Variants in ASB3 observed in about 807,000 individuals in gnomAD.
The protein encoded by ASB3 is ankyrin repeat and SOCS box protein 3.
Under a neutral mutation model 54.5 loss-of-function variants are expected in ASB3, and 41 were observed. That is an observed-to-expected ratio of 0.75 (90% confidence interval 0.59 to 0.98). The LOEUF is 0.98. Among genes scored for constraint, ASB3 ranks in the 50% least tolerant of loss-of-function variants. The pLI is 0.00. For missense variants in ASB3, 733 were observed against 620.0 expected, an observed-to-expected ratio of 1.18 and a Z score of -1.94; for synonymous variants, 266 against 221.2, an observed-to-expected ratio of 1.20 and a Z score of -1.80.
chr2:53,697,451 T>C (rs1050720907), intron 8 of ASB3, among the ~76,000 whole-genome samples: 1 of 146,772 alleles, frequency 6.8e-6, no homozygotes, highest in Non-Finnish European at 1.5e-5. Flanking sequence ...CTTTACTCTA[T>C]GGACTTGCCC....
At chr2:53,747,273 C>G (rs968228602) in intron 3 of ASB3, among the ~76,000 whole-genome samples, 7 of 152,144 alleles carry the variant, frequency 4.6e-5, no homozygotes, top group African/African-American at 1.7e-4. Flanking sequence ...CAGCTGGGCA[C>G]AGTGGCTCAT....
chr2:53,702,230 A>C (rs1430714564), intron 7 of ASB3, among the ~76,000 whole-genome samples: 1 of 152,210 alleles, frequency 6.6e-6, no homozygotes, highest in Non-Finnish European at 1.5e-5. Flanking sequence ...TCCCAAAAAA[A>C]CTACCATTTG....
At chr2:53,781,659 C>T (rs1018944429) in intron 1 of ASB3, among the ~76,000 whole-genome samples, 1 of 152,168 alleles carries the variant, frequency 6.6e-6, no homozygotes, top group African/African-American at 2.4e-5. Flanking sequence ...CCACGCCTGT[C>T]TAATTTTCTA....
At chr2:53,741,044 TCTC>T (rs983006612) in intron 3 of ASB3, among the ~76,000 whole-genome samples, 3 of 152,170 alleles carry the variant, frequency 2.0e-5, no homozygotes, top group Non-Finnish European at 4.4e-5. Context: ...ACAGCAGTAT[TCTC>T]CTTACTAGAT....
chr2:53,700,885 C>T (rs113828133), intron 7 of ASB3, among the ~76,000 whole-genome samples: 1 of 152,144 alleles, frequency 6.6e-6, no homozygotes, highest in African/African-American at 2.4e-5. Flanking sequence ...CAATAAACAA[C>T]GTGATCAATC....
chr2:53,762,505 C>T (rs762263558), intron 2 of ASB3, among the ~76,000 whole-genome samples: 6 of 152,114 alleles, frequency 3.9e-5, no homozygotes, highest in African/African-American at 7.2e-5. Context: ...AGTATTAGTG[C>T]GTATTTTCTT....
chr2:53,752,581 C>T (rs376737301), intron 2 of ASB3, among the ~76,000 whole-genome samples: 1 of 152,218 alleles, frequency 6.6e-6, no homozygotes, highest in Non-Finnish European at 1.5e-5. Context: ...TGTTAAGGCA[C>T]GGAATTTTTC....
intron 2 of ASB3, among the ~76,000 whole-genome samples, chr2:53,753,638 C>T (rs1014767913): frequency 2.7e-5 from 4 of 150,074 alleles, no homozygotes; most frequent in Non-Finnish European, 4.4e-5. Context: ...TCTTGGTTTT[C>T]TCTCTTTCTT....
chr2:53,721,643 CA>C (rs1458839041), intron 5 of ASB3, among the ~76,000 whole-genome samples: 3 of 151,808 alleles, frequency 2.0e-5, no homozygotes, highest in Admixed American at 2.0e-4. Flanking sequence ...TGGCAGAAAT[CA>C]AAAAATTCTT....
At chr2:53,771,421 G>C (rs138891874) in intron 1 of ASB3, among the ~76,000 whole-genome samples, 1,596 of 152,250 alleles carry the variant, frequency 0.01, 27 homozygotes, top group African/African-American at 0.036. Context: ...GCTGAGGTGA[G>C]AGAATTGCTT....
At chr2:53,761,383 G>A (rs188088159) in intron 2 of ASB3, among the ~76,000 whole-genome samples, 4 of 152,000 alleles carry the variant, frequency 2.6e-5, no homozygotes, top group East Asian at 3.9e-4. Context: ...GTCCCCTCCC[G>A]TTGTATGGGG....
chr2:53,697,601 C>T (rs1669255735), intron 8 of ASB3, among the ~76,000 whole-genome samples: 1 of 152,104 alleles, frequency 6.6e-6, no homozygotes, highest in Non-Finnish European at 1.5e-5. Context: ...CAGCTGTGAG[C>T]CTGTGAAATC....
rs1413095710 is a variant in ASB3 at position 53,768,307 on chromosome 2, G to A, written c.-13-2722C>T. The A allele has an allele frequency of 3.0e-5, 11 of 361,504 alleles. No homozygotes were observed. The East Asian group carries it at 4.6e-4, about 15-fold the overall frequency. 22.4% of individuals were successfully genotyped at this position (361,504 alleles called of 1,614,324 possible). Reference sequence around the variant, plus strand: ...CTCGCACCAGGCTGAGTGCGGAGATGGGGACTCCATCTCTCTGCAACCTCT... The same window carrying A: ...CTCGCACCAGGCTGAGTGCGGAGATAGGGACTCCATCTCTCTGCAACCTCT... On this transcript the variant is annotated intron_variant, in intron 1 of 9. Transcript: ENST00000263634.
intron 9 of ASB3, among the ~76,000 whole-genome samples, chr2:53,684,289 A>G (rs1198069664): frequency 6.6e-6 from 1 of 152,230 alleles, no homozygotes; most frequent in African/African-American, 2.4e-5. Flanking sequence ...GAAGTTCTCA[A>G]ATGGACAGAC....
intron 1 of ASB3, chr2:53,768,154 T>C (rs1446361187): frequency 2.2e-5 from 23 of 1,041,640 alleles, no homozygotes; most frequent in Non-Finnish European, 3.1e-5. Context: ...TGGGGTAACA[T>C]TTCTGTAGAT....
intron 9 of ASB3, among the ~76,000 whole-genome samples, chr2:53,677,901 G>A (rs1386037341): frequency 6.6e-6 from 1 of 152,114 alleles, no homozygotes; most frequent in East Asian, 1.9e-4. Flanking sequence ...TAAAGTAAAG[G>A]TGAGACTATA....
In ASB3 at chr2:53,716,673, T is replaced by C. The variant is rs1670411553; in HGVS notation, c.675A>G (p.Thr225=). ...TGGAGAGCAAAAGCTCCACACATTT[T>C]GTGTGTCCCTCTTGAGCAGCAATGA... ...PLFIAAQEGH[T]KCVELLLSSG... Residue 225 remains threonine, a synonymous_variant, in exon 6 of 10, where the codon ACA becomes ACG. Coordinates refer to ENST00000263634, the MANE Select transcript of ASB3 (RefSeq NM_016115.5). The C allele has an allele frequency of 1.2e-6, 2 of 1,614,160 alleles. No homozygotes were observed. Among genetic ancestry groups the C allele is most frequent in the Middle Eastern group, 1.6e-4 (1 of 6,062 alleles).
intron 3 of ASB3, among the ~76,000 whole-genome samples, chr2:53,729,882 G>C (rs1671204762): frequency 6.6e-6 from 1 of 152,166 alleles, no homozygotes; most frequent in Admixed American, 6.5e-5. Context: ...GAGGATATAA[G>C]GTGGACAATT....
chr2:53,767,819 G>T, intron 1 of ASB3: 1 of 1,535,328 alleles, frequency 6.5e-7, no homozygotes, highest in Non-Finnish European at 8.8e-7. Flanking sequence ...CTTACCGGAG[G>T]CTTCAGTCCC....
Sources: gnomAD v4.1 joint callset for allele counts (sites outside exome capture counted in the v4.1 genomes callset) on GRCh38, gnomAD v4.1.1 for gene constraint, MANE v1.5 for transcripts, NCBI Gene and HGNC (gene_info 2026-07-23, HGNC 2026-07-21) for gene names.